ANO5: variants seen among roughly 807,000 people sequenced by gnomAD.
ANO5 encodes anoctamin-5.
ANO5 carries 109 observed loss-of-function variants against 121.0 expected under a neutral mutation model. The observed-to-expected ratio is 0.90, with a 90% CI of 0.77 to 1.06. The LOEUF is 1.06. Ranked by LOEUF, ANO5 falls within the 50% of genes least tolerant of loss-of-function variation. The pLI is 0.00. For synonymous variants in ANO5, 406 were observed against 359.9 expected (o/e 1.13, Z -1.45); for missense variants, 1,064 against 1,078.5 (o/e 0.99, Z 0.19).
chr11:22,280,942 C>G lies in ANO5; in HGVS notation c.*1177C>G, dbSNP rs1396115913. The stretch of plus-strand genomic sequence containing the variant: ...GTCTTGAAAACCAAAAGTGAATCAA[C>G]CAACTAAGAATGAGTTCATGGACTT... On this transcript the variant is annotated 3_prime_UTR_variant, in exon 22 of 22. Transcript: ENST00000324559. 6.6e-6 allele frequency: 1 copy of G among 151,914 alleles called. No homozygotes were observed. Among genetic ancestry groups the G allele is most frequent in the Non-Finnish European group, 1.5e-5 (1 of 67,870 alleles). The allele number at this position is 151,914 out of a possible 1,614,324, so 9.4% of individuals were successfully genotyped here.
At position 22,257,751 on chromosome 11, in the gene ANO5, A is replaced by G. The variant is rs1745538923; in HGVS notation, c.1404A>G (p.Leu468=). The G allele has an allele frequency of 6.2e-7, 1 of 1,608,408 alleles. No homozygotes were observed. The highest frequency in any genetic ancestry group is 8.5e-7 in the Non-Finnish European group (1 of 1,175,044). The change falls in exon 14 of 22, where the codon TTA becomes TTG. Residue 468 remains leucine, a synonymous_variant. Coordinates refer to ENST00000324559, the MANE Select transcript of ANO5 (RefSeq NM_213599.3). ...WYFLSGATVT[L]WMSLVVTSMV... is the part of the protein sequence containing the mutation. ...TTCTTTCAGGAGCCACAGTGACATTATGGGTGAGCATTTCTTTAAAAATTG... is the reference window on the plus strand; with the variant it reads ...TTCTTTCAGGAGCCACAGTGACATTGTGGGTGAGCATTTCTTTAAAAATTG...
At chr11:22,257,115 T>G (rs1317656685) in intron 13 of ANO5, among the ~76,000 whole-genome samples, 1 of 152,154 alleles carries the variant, frequency 6.6e-6, no homozygotes, top group Non-Finnish European at 1.5e-5. Context: ...TTTTACTATT[T>G]TTTGCTTCTT....
At chr11:22,267,405 G>A (rs777623794) in intron 17 of ANO5, among the ~76,000 whole-genome samples, 22 of 150,356 alleles carry the variant, frequency 1.5e-4, no homozygotes, top group East Asian at 3.9e-4. Flanking sequence ...TTCCTTTTTC[G>A]TATGCTCCAT....
At position 22,239,574 on chromosome 11, in the gene ANO5, A is replaced by G. The variant is rs1374650064; in HGVS notation, c.768A>G (p.Gln256=). The G allele has an allele frequency of 2.5e-6, 4 of 1,610,304 alleles. No individual in the cohort carries two copies. The highest frequency in any genetic ancestry group is 1.7e-5 in the Admixed American group (1 of 59,936). Residue 256 remains glutamine (Q), a synonymous_variant, in exon 9 of 22, where the codon CAA becomes CAG. Transcript: ENST00000324559. ...CTCCTCTTGAATATCTGCAGGGCCA[A>G]TATTGGAAGCCATCAGAACCTCCCA... ...YSSAYPLHDG[Q]YWKPSEPPNP... is the part of the protein sequence containing the mutation.
intron 17 of ANO5, among the ~76,000 whole-genome samples, chr11:22,264,572 C>T (rs886698812): frequency 1.3e-5 from 2 of 151,588 alleles, no homozygotes; most frequent in African/African-American, 2.4e-5. Flanking sequence ...TTTAATGCTA[C>T]AAAGGCTGTG....
Position 22,255,487 on chromosome 11 carries a change from A to G in ANO5, c.1297A>G (p.Met433Val). 6.2e-7 allele frequency: 1 copy of G among 1,613,620 alleles called. No homozygotes were observed. Among genetic ancestry groups the G allele is most frequent in the Non-Finnish European group, 8.5e-7 (1 of 1,179,620 alleles). ...TCAGCTGAGACCAGAATTTGAAGCT[A>G]TGTGTAAACACAGGAAATTGAATGC... ...QLQLRPEFEA[M>V]CKHRKLNAVT... Residue 433 changes from methionine to valine, a missense_variant, in exon 13 of 22, where the codon ATG (methionine) becomes GTG (valine). Met to Val is a conservative substitution (Grantham distance 21, BLOSUM62 1). Coordinates refer to ENST00000324559, the MANE Select transcript of ANO5 (RefSeq NM_213599.3).
At chr11:22,235,943 C>T (rs1853201261) in intron 7 of ANO5, among the ~76,000 whole-genome samples, 1 of 152,116 alleles carries the variant, frequency 6.6e-6, no homozygotes, top group Non-Finnish European at 1.5e-5. Flanking sequence ...TTCACCCCTG[C>T]ACCCCATCAA....
intron 9 of ANO5, 47 bp downstream of exon 9, chr11:22,239,731 AT>A: frequency 7.1e-7 from 1 of 1,400,934 alleles, no homozygotes; most frequent in Non-Finnish European, 1.0e-6. Context: ...TGATAATGTG[AT>A]TTTTATTCAC....
Position 22,280,935 on chromosome 11 carries a change from G to A in ANO5, c.*1170G>A, listed in dbSNP as rs1384300364. Reference sequence around the variant, plus strand: ...AACTACAGTCTTGAAAACCAAAAGTGAATCAACCAACTAAGAATGAGTTCA... The same window carrying A: ...AACTACAGTCTTGAAAACCAAAAGTAAATCAACCAACTAAGAATGAGTTCA... On this transcript the variant is annotated 3_prime_UTR_variant, in exon 22 of 22. Transcript: ENST00000324559. 6.6e-6 allele frequency: 1 copy of A among 151,888 alleles called. No individual in the cohort carries two copies. Among genetic ancestry groups the A allele is most frequent in the Non-Finnish European group, 1.5e-5 (1 of 67,858 alleles). The allele number at this position is 151,888 out of a possible 1,614,324, so 9.4% of individuals were successfully genotyped here. A position where few individuals can be genotyped will look rare whatever the true frequency, so the allele number is the denominator to read the frequency against.
At chr11:22,272,203 G>A (rs1487880638) in intron 18 of ANO5, among the ~76,000 whole-genome samples, 1 of 151,196 alleles carries the variant, frequency 6.6e-6, no homozygotes, top group African/African-American at 2.5e-5. Context: ...TCTTAATGAG[G>A]AGAGAGAATA....
At position 22,257,744 on chromosome 11, in the gene ANO5, T is replaced by A; in HGVS notation, c.1397T>A (p.Val466Glu). The A allele has an allele frequency of 6.2e-7, 1 of 1,610,926 alleles. No homozygotes were observed. Among genetic ancestry groups the A allele is most frequent in the South Asian group, 1.1e-5 (1 of 91,024 alleles). The change falls in exon 14 of 22, where the codon GTG (valine) becomes GAG (glutamate). Residue 466 changes from valine to glutamate, a missense_variant. Val to Glu is a moderately radical substitution (Grantham distance 121). Coordinates refer to ENST00000324559, the MANE Select transcript of ANO5 (RefSeq NM_213599.3). ...IPWYFLSGAT[V>E]TLWMSLVVTS... ...TGGTACTTTCTTTCAGGAGCCACAG[T>A]GACATTATGGGTGAGCATTTCTTTA...
At chr11:22,269,610 G>A (rs1221099988) in intron 17 of ANO5, among the ~76,000 whole-genome samples, 1 of 151,846 alleles carries the variant, frequency 6.6e-6, no homozygotes, top group Admixed American at 6.6e-5. Flanking sequence ...TTTGCCCTAG[G>A]ATTTTAGTAG....
At chr11:22,208,656 C>G (rs1300442696) in intron 2 of ANO5, among the ~76,000 whole-genome samples, 2 of 151,928 alleles carry the variant, frequency 1.3e-5, no homozygotes, top group Non-Finnish European at 2.9e-5. Flanking sequence ...TCCAACTATA[C>G]AGAGACATTG....
At chr11:22,222,640 T>G (rs10741933) in intron 5 of ANO5, among the ~76,000 whole-genome samples, 103,335 of 150,808 alleles carry the variant, frequency 0.69, 36,652 homozygotes, top group Non-Finnish European at 0.8. Flanking sequence ...GTCAACAATT[T>G]TAATTACTCT....
chr11:22,192,856 ACGGGAGGCTGCATGTCCGGAGGAGGTG>A (rs1344394071), upstream of ANO5: 6 of 482,272 alleles, frequency 1.2e-5, no homozygotes, highest in Non-Finnish European at 1.6e-5. Context: ...CCGAGGAGGG[ACGGGAGGCTGCATGTCCGGAGGAGGTG>A]CGGGAGGCGG....
At chr11:22,228,644 C>T (rs150541380) in intron 7 of ANO5, among the ~76,000 whole-genome samples, 11 of 151,972 alleles carry the variant, frequency 7.2e-5, no homozygotes, top group African/African-American at 2.4e-4. Flanking sequence ...TTCTTTCCTC[C>T]CCCTACCTCT....
intron 21 of ANO5, among the ~76,000 whole-genome samples, 164 bp downstream of exon 21, chr11:22,276,363 A>G (rs1168676813): frequency 1.3e-5 from 2 of 151,756 alleles, no homozygotes; most frequent in Non-Finnish European, 3.0e-5. Flanking sequence ...TTCTTAGTAC[A>G]ATGGATTGCC....
At chr11:22,195,952 G>A (rs12223583) in intron 1 of ANO5, among the ~76,000 whole-genome samples, 1 of 152,284 alleles carries the variant, frequency 6.6e-6, no homozygotes, top group East Asian at 1.9e-4. Context: ...GCATTGATGA[G>A]ATCAGGGCCT....
intron 17 of ANO5, among the ~76,000 whole-genome samples, chr11:22,268,438 G>A (rs182823001): frequency 0.13 from 20,203 of 151,636 alleles, 3,871 homozygotes; most frequent in African/African-American, 0.42. Context: ...TATCTTTTTA[G>A]AATATATATG....
Sources: gnomAD v4.1 joint callset for allele counts (sites outside exome capture counted in the v4.1 genomes callset) on GRCh38, gnomAD v4.1.1 for gene constraint, MANE v1.5 for transcripts, NCBI Gene and HGNC (gene_info 2026-07-23, HGNC 2026-07-21) for gene names.